JAZF1: variants seen among roughly 807,000 people sequenced by gnomAD.
JAZF1 encodes JAZF zinc finger 1, also known as juxtaposed with another zinc finger protein 1.
JAZF1 carries 8 observed loss-of-function variants against 26.4 expected under a neutral mutation model. That is an observed-to-expected ratio of 0.30 (90% CI 0.18 to 0.55). The LOEUF is 0.55. JAZF1 is among the 20% of genes least tolerant of loss of function. The pLI, the probability that JAZF1 is intolerant of heterozygous loss-of-function variation, is 0.94. For missense variants in JAZF1, 199 were observed against 322.0 expected, an observed-to-expected ratio of 0.62 and a Z score of 2.92; for synonymous variants, 126 against 122.3, an observed-to-expected ratio of 1.03 and a Z score of -0.20.
At chr7:28,166,127 TA>T (rs986018268) in intron 1 of JAZF1, among the ~76,000 whole-genome samples, 1 of 149,338 alleles carries the variant, frequency 6.7e-6, no homozygotes, top group African/African-American at 2.5e-5. Context: ...TATATATATA[TA>T]AAAAAAGTTG....
chr7:27,830,770 A>G lies in JAZF1; in HGVS notation c.*2030T>C, dbSNP rs183893860. On this transcript the variant is annotated 3_prime_UTR_variant, in exon 5 of 5. Transcript: ENST00000283928. The stretch of plus-strand genomic sequence containing the variant: ...AGCACAGTTTTCACAGACACAGTAC[A>G]ATACATTCACTATACACAGTATAAC... 2.5e-3 allele frequency: 509 copies of G among 201,558 alleles called. 1 individual carries two copies. Among genetic ancestry groups the G allele is most frequent in the Non-Finnish European group, 2.7e-3 (265 of 97,616 alleles). 12.5% of individuals were successfully genotyped at this position (201,558 alleles called of 1,614,324 possible). A position where few individuals can be genotyped will look rare whatever the true frequency, so the allele number is the denominator to read the frequency against.
chr7:28,116,194 T>C lies in JAZF1; in HGVS notation c.115+64269A>G, dbSNP rs188512145. Among the ~76,000 whole-genome samples the C allele has an allele frequency of 8.9e-4, 135 of 152,272 alleles. 1 individual carries two copies. The South Asian group carries it at 0.018, about 20-fold the overall frequency. On this transcript the variant is annotated intron_variant, in intron 1 of 4. Coordinates refer to ENST00000283928, the MANE Select transcript of JAZF1 (RefSeq NM_175061.4). ...GCCAGACTGCTGGGTCAAAGGGTAA[T>C]TGTATTTGTAATCTCGATAGATGAA...
chr7:28,170,371 GTGTGTGTGTGTGTGTGTGTGTGTA>G (rs1783440902), intron 1 of JAZF1, among the ~76,000 whole-genome samples: 8 of 128,446 alleles, frequency 6.2e-5, no homozygotes, highest in Non-Finnish European at 8.3e-5. Context: ...GTGTGTGTGT[GTGTGTGTGTGTGTGTGTGTGTGTA>G]TGTGTGTATG....
Position 27,840,694 on chromosome 7 carries a change from T to A in JAZF1, c.555+4A>T. ...TTATGCCAAGCATGCAGCACCTCTGTTACCTTGTATCTCTTTTTACATCCA... is the reference window on the plus strand; with the variant it reads ...TTATGCCAAGCATGCAGCACCTCTGATACCTTGTATCTCTTTTTACATCCA... On this transcript the variant is annotated splice_donor_region_variant and intron_variant, in intron 4 of 4. Transcript: ENST00000283928. The surrounding 1 kb of genome is among the most constrained non-coding windows in gnomAD (Gnocchi z 5.1). The A allele has an allele frequency of 6.2e-7, 1 of 1,613,976 alleles. No homozygotes were observed. Among genetic ancestry groups the A allele is most frequent in the Non-Finnish European group, 8.5e-7 (1 of 1,179,886 alleles).
intron 1 of JAZF1, among the ~76,000 whole-genome samples, chr7:28,170,533 T>A (rs1332666926): frequency 6.6e-6 from 1 of 152,178 alleles, no homozygotes; most frequent in Non-Finnish European, 1.5e-5. Flanking sequence ...ATTTTAGAAC[T>A]GCCAAATTAT....
intron 2 of JAZF1, among the ~76,000 whole-genome samples, chr7:27,925,921 C>A (rs1784596122): frequency 6.6e-6 from 1 of 152,200 alleles, no homozygotes; most frequent in Non-Finnish European, 1.5e-5. Context: ...GAAAGGTGTA[C>A]TAAAAACCTT....
At chr7:28,028,504 T>C (rs996828279) in intron 1 of JAZF1, among the ~76,000 whole-genome samples, 5 of 152,338 alleles carry the variant, frequency 3.3e-5, no homozygotes, top group African/African-American at 1.2e-4. Flanking sequence ...TGTTGCAACA[T>C]TCTTCTCTAC....
intron 1 of JAZF1, among the ~76,000 whole-genome samples, chr7:28,080,799 G>A (rs1784123319): frequency 6.6e-6 from 1 of 152,070 alleles, no homozygotes; most frequent in Non-Finnish European, 1.5e-5. Flanking sequence ...AGTCAAAGAT[G>A]ACCGATCACA....
chr7:27,993,796 G>A (rs11973418), intron 1 of JAZF1, among the ~76,000 whole-genome samples: 4 of 152,088 alleles, frequency 2.6e-5, no homozygotes, highest in African/African-American at 7.3e-5. Flanking sequence ...AGGTACTGAC[G>A]ATCAAAGGGC....
intron 3 of JAZF1, among the ~76,000 whole-genome samples, chr7:27,874,718 G>GTCTT (rs1783644898): frequency 1.8e-3 from 1 of 542 alleles, no homozygotes; most frequent in African/African-American, 0.02. Context: ...CTTTAATCGA[G>GTCTT]ATCCTTATCT....
chr7:28,035,886 A>T (rs993696563), intron 1 of JAZF1, among the ~76,000 whole-genome samples: 4 of 152,240 alleles, frequency 2.6e-5, no homozygotes, highest in African/African-American at 9.6e-5. Context: ...ATGACAATAA[A>T]TACATGAAAA....
At chr7:27,930,544 TACAGCATACGAAAAGGCAATACA>T (rs1251629833) in intron 2 of JAZF1, among the ~76,000 whole-genome samples, 6 of 152,182 alleles carry the variant, frequency 3.9e-5, no homozygotes, top group African/African-American at 2.4e-5. Flanking sequence ...CAGGCACATT[TACAGCATACGAAAAGGCAATACA>T]ACACAAGTAT....
intron 1 of JAZF1, among the ~76,000 whole-genome samples, chr7:28,065,354 G>T (rs1366702032): frequency 6.6e-6 from 1 of 152,048 alleles, no homozygotes; most frequent in Admixed American, 6.6e-5. Context: ...ATCAGACAGC[G>T]AGGTGAGGGA....
At chr7:27,910,901 T>C (rs1048255883) in intron 2 of JAZF1, among the ~76,000 whole-genome samples, 1 of 152,202 alleles carries the variant, frequency 6.6e-6, no homozygotes, top group East Asian at 1.9e-4. Flanking sequence ...CATTTTCAGA[T>C]GGGGTTACCT....
chr7:28,121,737 T>C (rs1032933164), intron 1 of JAZF1, among the ~76,000 whole-genome samples: 3 of 152,248 alleles, frequency 2.0e-5, no homozygotes, highest in African/African-American at 7.2e-5. Flanking sequence ...GAAAAAGTGA[T>C]AGCACTTAAT....
intron 1 of JAZF1, among the ~76,000 whole-genome samples, chr7:28,153,319 TA>T (rs11367602): frequency 0.12 from 17,517 of 147,580 alleles, 1,464 homozygotes; most frequent in East Asian, 0.47. Context: ...ACACTTCCAC[TA>T]AAAAAAAAAA....
chr7:27,947,239 T>C (rs976200679), intron 2 of JAZF1, among the ~76,000 whole-genome samples: 2 of 152,230 alleles, frequency 1.3e-5, no homozygotes, highest in Non-Finnish European at 2.9e-5. Context: ...GCAGATTATT[T>C]AATTACTCTG....
At chr7:28,005,333 C>T (rs1040963535) in intron 1 of JAZF1, among the ~76,000 whole-genome samples, 10 of 151,576 alleles carry the variant, frequency 6.6e-5, no homozygotes, top group African/African-American at 9.7e-5. Context: ...TTTTGTATTT[C>T]GGAAGCCAGT....
At chr7:27,999,880 T>C (rs776908523) in intron 1 of JAZF1, among the ~76,000 whole-genome samples, 1 of 152,106 alleles carries the variant, frequency 6.6e-6, no homozygotes, top group South Asian at 2.1e-4. Flanking sequence ...CCAGGATATA[T>C]ACTTCCATCA....
Sources: gnomAD v4.1 joint callset for allele counts (sites outside exome capture counted in the v4.1 genomes callset) on GRCh38, gnomAD v4.1.1 for gene constraint, Gnocchi (gnomAD v3.1) non-coding constraint, MANE v1.5 for transcripts, NCBI Gene and HGNC (gene_info 2026-07-23, HGNC 2026-07-21) for gene names.